The following ATP2A2 variants were observed in gnomAD, a reference collection of about 807,000 sequenced individuals.
ATP2A2 encodes ATPase sarcoplasmic/endoplasmic reticulum Ca2+ transporting 2.
In ATP2A2, 14 loss-of-function variants were observed where a neutral mutation model predicts 109.3. The ratio of observed to expected loss-of-function variants is 0.13; its 90% CI spans 0.08 to 0.20. The LOEUF (loss-of-function observed/expected upper bound fraction) is 0.20. ATP2A2 is among the 10% of genes least tolerant of loss of function. ATP2A2 has a pLI of 1.00. For missense variants in ATP2A2, 657 were observed against 1,321.6 expected, an observed-to-expected ratio of 0.50 and a Z score of 7.80; for synonymous variants, 506 against 490.9, an observed-to-expected ratio of 1.03 and a Z score of -0.41.
At chr12:110,338,236 C>T (rs1879025866) in intron 11 of ATP2A2, among the ~76,000 whole-genome samples, 1 of 152,212 alleles carries the variant, frequency 6.6e-6, no homozygotes, top group African/African-American at 2.4e-5. Flanking sequence ...CTATCTAAAA[C>T]TACTTAGAAT....
At chr12:110,337,001 C>T (rs1460191845) in intron 11 of ATP2A2, among the ~76,000 whole-genome samples, 2 of 152,174 alleles carry the variant, frequency 1.3e-5, no homozygotes, top group African/African-American at 4.8e-5. Context: ...CCTCTGACTA[C>T]TCCACTGAGT....
chr12:110,343,888 T>C (rs993476655), intron 16 of ATP2A2, among the ~76,000 whole-genome samples: 1 of 152,220 alleles, frequency 6.6e-6, no homozygotes, highest in Non-Finnish European at 1.5e-5. Context: ...CCCCGGGTTC[T>C]TCCCCATTTC....
At chr12:110,298,880 A>T (rs191151971) in intron 5 of ATP2A2, among the ~76,000 whole-genome samples, 5 of 152,134 alleles carry the variant, frequency 3.3e-5, no homozygotes, top group Non-Finnish European at 5.9e-5. Flanking sequence ...AGTATCAAGG[A>T]TGTTCTCTTA....
chr12:110,345,056 C>A, intron 17 of ATP2A2, 85 bp downstream of exon 17: 1 of 1,509,010 alleles, frequency 6.6e-7, no homozygotes, highest in Non-Finnish European at 9.2e-7. Context: ...TCTATCAAAT[C>A]ATCTTAAGAC....
chr12:110,332,260 C>G (rs1878409191), intron 8 of ATP2A2: 2 of 353,662 alleles, frequency 5.7e-6, no homozygotes, highest in Admixed American at 8.3e-5. Flanking sequence ...TGGAACTGAC[C>G]TTTTGCTGAC....
intron 3 of ATP2A2, among the ~76,000 whole-genome samples, chr12:110,285,085 C>T (rs922423654): frequency 1.3e-5 from 2 of 152,110 alleles, no homozygotes; most frequent in Admixed American, 6.5e-5. Context: ...ATACATCATG[C>T]GTCATCAAGT....
rs942796656 is a variant in ATP2A2 at position 110,311,501 on chromosome 12, C to T, written c.464-11491C>T. The stretch of plus-strand genomic sequence containing the variant: ...ATCCCAGCTACTCGGTAGGCCGAGG[C>T]AGGAGAATTACTTGAACCCAGGGGG... On this transcript the variant is annotated intron_variant, in intron 5 of 19. Transcript: ENST00000539276. Among the ~76,000 whole-genome samples the T allele has an allele frequency of 4.9e-5, 7 of 143,386 alleles. No individual in the cohort carries two copies. In the South Asian group the frequency reaches 1.5e-3, roughly 31 times the overall value. The allele number at this position is 143,386 out of a possible 152,430, so 94.1% of individuals were successfully genotyped here.
intron 5 of ATP2A2, among the ~76,000 whole-genome samples, chr12:110,299,571 G>A (rs952862466): frequency 3.3e-5 from 5 of 152,128 alleles, no homozygotes; most frequent in South Asian, 2.1e-4. Flanking sequence ...AGTTCTGATC[G>A]TGAGTAGTTC....
At chr12:110,331,241 C>CA (rs55655807) in intron 8 of ATP2A2, 2,438 of 117,148 alleles carry the variant, frequency 0.021, 41 homozygotes, top group Non-Finnish European at 0.023. Flanking sequence ...AACTCCACCT[C>CA]AAAAAAAAAA....
At chr12:110,316,635 G>C (rs1232751353) in intron 5 of ATP2A2, among the ~76,000 whole-genome samples, 2 of 152,178 alleles carry the variant, frequency 1.3e-5, no homozygotes, top group Non-Finnish European at 2.9e-5. Flanking sequence ...GAGTGACTCT[G>C]CCTTTATGGA....
Position 110,281,780 on chromosome 12 carries a change from C to T in ATP2A2, c.-10C>T. ...GGACGGGAGGCGAGGCCGGCCGGGCCCCCGAAGCCATGGAGAACGCGCACA... is the reference window on the plus strand; with the variant it reads ...GGACGGGAGGCGAGGCCGGCCGGGCTCCCGAAGCCATGGAGAACGCGCACA... On this transcript the variant is annotated 5_prime_UTR_variant, in exon 1 of 20. Transcript: ENST00000539276. The T allele has an allele frequency of 6.7e-7, 1 of 1,492,486 alleles. No homozygotes were observed. Among genetic ancestry groups the T allele is most frequent in the Non-Finnish European group, 9.0e-7 (1 of 1,117,226 alleles). The allele number at this position is 1,492,486 out of a possible 1,614,324, so 92.5% of individuals were successfully genotyped here. A position where few individuals can be genotyped will look rare whatever the true frequency, so the allele number is the denominator to read the frequency against.
chr12:110,298,880 A>G lies in ATP2A2; in HGVS notation c.463+2143A>G, dbSNP rs191151971. ...TAACATTTGTTTTATAGTATCAAGG[A>G]TGTTCTCTTATATAACCTCAGTATG... On this transcript the variant is annotated intron_variant, in intron 5 of 19. Coordinates refer to ENST00000539276, the MANE Select transcript of ATP2A2 (RefSeq NM_170665.4). Among the ~76,000 whole-genome samples the G allele has an allele frequency of 1.9e-4, 29 of 152,252 alleles. No individual in the cohort carries two copies. In the East Asian group the frequency reaches 4.6e-3, roughly 24 times the overall value.
At chr12:110,292,227 AAT>A in intron 4 of ATP2A2, 103 bp downstream of exon 4, 1 of 888,384 alleles carries the variant, frequency 1.1e-6, no homozygotes, top group Non-Finnish European at 1.8e-6. Context: ...GTTGAGTAAA[AAT>A]ATGTTTGCGG....
chr12:110,292,707 A>G (rs1873449417), intron 4 of ATP2A2, among the ~76,000 whole-genome samples: 1 of 152,182 alleles, frequency 6.6e-6, no homozygotes, highest in African/African-American at 2.4e-5. Flanking sequence ...GGGTTGCTTG[A>G]ACCCAGGAGG....
Position 110,334,007 on chromosome 12 carries a change from T to C in ATP2A2, c.1288-5T>C. 1 of 1,614,126 alleles carries C rather than the reference T, an allele frequency of 6.2e-7. No individual in the cohort carries two copies. Among genetic ancestry groups the C allele is most frequent in the South Asian group, 1.1e-5 (1 of 91,082 alleles). ...TTCTACTTTCTGTGCCTTTAACCAA[T>C]ACAGGCAAAGGGTGTGTATGAAAAA... On this transcript the variant is annotated splice_polypyrimidine_tract_variant and splice_region_variant and intron_variant, in intron 10 of 19. Transcript: ENST00000539276.
chr12:110,323,263 C>T (rs929720886), intron 6 of ATP2A2, among the ~76,000 whole-genome samples, 191 bp downstream of exon 6: 5 of 152,208 alleles, frequency 3.3e-5, no homozygotes, highest in African/African-American at 9.6e-5. Flanking sequence ...CGGCTCACTG[C>T]AGCCTCCGCC....
At position 110,350,248 on chromosome 12, in the gene ATP2A2, C is replaced by G. The variant is rs1566247615; in HGVS notation, c.*3778C>G. On this transcript the variant is annotated 3_prime_UTR_variant, in exon 20 of 20. Coordinates refer to ENST00000539276, the MANE Select transcript of ATP2A2 (RefSeq NM_170665.4). ...TTAAATAGGTATTCTAACGTTTCCTCTCTGTATTTCATGAAGCTGATTTCC... is the reference window on the plus strand; with the variant it reads ...TTAAATAGGTATTCTAACGTTTCCTGTCTGTATTTCATGAAGCTGATTTCC... 1 of 1,614,220 alleles carries G rather than the reference C, an allele frequency of 6.2e-7. No homozygotes were observed. The highest frequency in any genetic ancestry group is 2.2e-5 in the East Asian group (1 of 44,892).
intron 14 of ATP2A2, 130 bp downstream of exon 14, chr12:110,341,124 A>G (rs1355590162): frequency 3.9e-6 from 4 of 1,016,464 alleles, no homozygotes; most frequent in Non-Finnish European, 5.9e-6. Flanking sequence ...TCTTTTCTCT[A>G]GAATTCGGTG....
Position 110,339,662 on chromosome 12 carries a change from A to T in ATP2A2, c.1702A>T (p.Asn568Tyr). The T allele has an allele frequency of 6.2e-7, 1 of 1,614,176 alleles. No homozygotes were observed. The highest frequency in any genetic ancestry group is 8.5e-7 in the Non-Finnish European group (1 of 1,180,022). The change falls in exon 13 of 20, where the codon AAC becomes TAC. Residue 568 changes from asparagine (N) to tyrosine (Y), a missense_variant. By Grantham distance (143) the Asn-to-Tyr change is moderately radical. This residue lies in a region of ATP2A2 where 180 missense variants were observed against 329.1 expected (regional missense o/e 0.55). Coordinates refer to ENST00000539276, the MANE Select transcript of ATP2A2 (RefSeq NM_170665.4). This position sits in a 1 kb window ranked among gnomAD's most constrained non-coding sequence, Gnocchi z 4.4. ...LRCLALATHD[N>Y]PLRREEMHLE... ...ATGCCTGGCCCTGGCCACTCATGAC[A>T]ACCCACTGAGAAGAGAAGAAATGCA...
Sources: allele counts gnomAD v4.1 joint callset (sites outside exome capture counted in the v4.1 genomes callset), GRCh38; gene constraint gnomAD v4.1.1; regional missense constraint gnomAD v4.1.1; non-coding constraint Gnocchi (gnomAD v3.1); transcripts MANE v1.5; gene names NCBI Gene and HGNC (gene_info 2026-07-23, HGNC 2026-07-21).